COL27A1: variants seen among roughly 807,000 people sequenced by gnomAD.
The protein encoded by COL27A1 is collagen type XXVII alpha 1 chain.
A neutral mutation model predicts 251.3 loss-of-function variants in COL27A1; 106 were observed. The ratio of observed to expected loss-of-function variants is 0.42; its 90% CI spans 0.36 to 0.50. The LOEUF (loss-of-function observed/expected upper bound fraction) is 0.50, where lower values mean the gene tolerates loss of function less well. Ranked by LOEUF, COL27A1 falls within the 20% of genes least tolerant of loss-of-function variation. The pLI, the probability that COL27A1 is intolerant of heterozygous loss-of-function variation, is 0.00. For missense variants in COL27A1, 2,325 were observed against 2,522.8 expected (o/e 0.92, Z 1.68); for synonymous variants, 1,000 against 986.3 (o/e 1.01, Z -0.26).
chr9:114,227,853 G>A (rs1413073498), intron 14 of COL27A1, among the ~76,000 whole-genome samples: 5 of 152,178 alleles, frequency 3.3e-5, no homozygotes, highest in Admixed American at 1.3e-4. Context: ...AGCTGGCCTC[G>A]AGGGCGTCTG....
chr9:114,280,730 C>T (rs1362750388), intron 37 of COL27A1, among the ~76,000 whole-genome samples: 2 of 152,292 alleles, frequency 1.3e-5, no homozygotes, highest in Middle Eastern at 3.4e-3. Flanking sequence ...AGGTCCTTCC[C>T]GGGCCACTGT....
At chr9:114,184,492 G>A (rs972726035) in intron 5 of COL27A1, among the ~76,000 whole-genome samples, 1 of 152,240 alleles carries the variant, frequency 6.6e-6, no homozygotes, top group African/African-American at 2.4e-5. Flanking sequence ...AGCCCCTCTA[G>A]ATCTGTGACT....
intron 14 of COL27A1, among the ~76,000 whole-genome samples, chr9:114,229,533 C>A (rs994139735): frequency 6.6e-6 from 1 of 152,152 alleles, no homozygotes; most frequent in African/African-American, 2.4e-5. Flanking sequence ...TTTGTTCCTC[C>A]AATGCTTCAG....
Position 114,292,103 on chromosome 9 carries a change from G to A in COL27A1, c.4477G>A (p.Gly1493Ser). The change falls in exon 49 of 61, where the codon GGT becomes AGT. Residue 1493 changes from glycine to serine, a missense_variant and splice_region_variant. Around this residue, in one of 4 missense-constraint regions of COL27A1, gnomAD observed 153 missense variants for 140.7 expected, o/e 1.09. Transcript: ENST00000356083. Reference sequence around the variant, plus strand: ...GTAATTTTTTGTGTGTTTCTTTAAGGGTGAGAGTGGGTTACCCGGACAGCT... The same window carrying A: ...GTAATTTTTTGTGTGTTTCTTTAAGAGTGAGAGTGGGTTACCCGGACAGCT... Reference protein sequence around the residue: ...PGAQGPPGFKGESGLPGQLGP... With the variant: ...PGAQGPPGFKSESGLPGQLGP... 1.3e-6 allele frequency: 2 copies of A among 1,555,210 alleles called. No individual in the cohort carries two copies. The highest frequency in any genetic ancestry group is 1.7e-6 in the Non-Finnish European group (2 of 1,149,034).
Position 114,310,529 on chromosome 9 carries a change from A to C in COL27A1, c.5437-20A>C, listed in dbSNP as rs755527134. On this transcript the variant is annotated intron_variant, in intron 60 of 60. Transcript: ENST00000356083. The stretch of plus-strand genomic sequence containing the variant: ...AGAATCACGATGGATGTACGTGTGC[A>C]CTTTTCCTTCTGCCTTCAGGTCCAA... 79 of 1,613,982 alleles carry C rather than the reference A, an allele frequency of 4.9e-5. No individual in the cohort carries two copies. The highest frequency in any genetic ancestry group is 6.4e-5 in the Non-Finnish European group (76 of 1,179,956).
At chr9:114,202,830 C>T (rs763437059) in intron 7 of COL27A1, among the ~76,000 whole-genome samples, 24 of 152,144 alleles carry the variant, frequency 1.6e-4, no homozygotes, top group Non-Finnish European at 2.6e-4. Context: ...TGATCCCACC[C>T]TCTCTTCACC....
At position 114,288,894 on chromosome 9, in the gene COL27A1, T is replaced by C. The variant is rs772487349; in HGVS notation, c.4099-20T>C. 1 of 1,613,630 alleles carries C rather than the reference T, an allele frequency of 6.2e-7. No individual in the cohort carries two copies. The stretch of plus-strand genomic sequence containing the variant: ...CTCTGCAGGATGGGCCCCCCTCACC[T>C]GTCTCTCTTTGGCTTCCAGGGACAG... On this transcript the variant is annotated intron_variant, in intron 43 of 60. Transcript: ENST00000356083.
intron 28 of COL27A1, among the ~76,000 whole-genome samples, chr9:114,260,100 G>A (rs778151746): frequency 2.0e-5 from 3 of 152,144 alleles, no homozygotes; most frequent in Non-Finnish European, 2.9e-5. Context: ...TTCCTGGAGG[G>A]TGAGCTGCAT....
chr9:114,257,778 G>A (rs1834030075), intron 27 of COL27A1, among the ~76,000 whole-genome samples: 1 of 152,130 alleles, frequency 6.6e-6, no homozygotes, highest in Admixed American at 6.5e-5. Flanking sequence ...TTTTCCCTGG[G>A]AGAAAATATT....
intron 3 of COL27A1, among the ~76,000 whole-genome samples, chr9:114,172,275 C>T (rs939908330): frequency 6.6e-6 from 1 of 152,136 alleles, no homozygotes. Flanking sequence ...CCCTTGACCC[C>T]CATATATATC....
intron 24 of COL27A1, among the ~76,000 whole-genome samples, chr9:114,250,338 C>G (rs1355213835): frequency 1.3e-5 from 2 of 152,254 alleles, no homozygotes; most frequent in Non-Finnish European, 2.9e-5. Context: ...TGGCAGCCTC[C>G]CAGCCTGCTT....
chr9:114,300,562 G>A, intron 50 of COL27A1, 63 bp from the exon 51 acceptor site: 1 of 1,347,596 alleles, frequency 7.4e-7, no homozygotes, highest in South Asian at 1.4e-5. Flanking sequence ...GGGTGAGGGA[G>A]CTGTGGGGGC....
chr9:114,209,499 C>T (rs747812999), intron 10 of COL27A1, 176 bp from the exon 11 acceptor site: 6 of 780,700 alleles, frequency 7.7e-6, no homozygotes, highest in African/African-American at 1.7e-5. Flanking sequence ...AGTCCATGGG[C>T]ATATACACTT....
At position 114,169,162 on chromosome 9, in the gene COL27A1, C is replaced by T. The variant is rs2135085864; in HGVS notation, c.1607C>T (p.Pro536Leu). 1 of 1,614,100 alleles carries T rather than the reference C, an allele frequency of 6.2e-7. No homozygotes were observed. Among genetic ancestry groups the T allele is most frequent in the Non-Finnish European group, 8.5e-7 (1 of 1,180,012 alleles). ...PGSAPTGSKK[P>L]IGSEASKKAG... The stretch of plus-strand genomic sequence containing the variant: ...TCAGCTCCCACTGGAAGCAAGAAGC[C>T]CATTGGATCGGAAGCCTCAAAGAAA... The change falls in exon 3 of 61, where the codon CCC (proline) becomes CTC (leucine). Residue 536 changes from proline to leucine, a missense_variant. Pro to Leu is a moderately conservative substitution (Grantham distance 98, BLOSUM62 -3). Around this residue, in one of 4 missense-constraint regions of COL27A1, gnomAD observed 1,183 missense variants for 1,144.1 expected, o/e 1.03. Transcript: ENST00000356083.
chr9:114,289,740 G>A (rs1201031169), intron 45 of COL27A1, among the ~76,000 whole-genome samples: 4 of 151,680 alleles, frequency 2.6e-5, no homozygotes, highest in South Asian at 2.1e-4. Flanking sequence ...TCCCTCCCCC[G>A]GGTGCGCCCC....
intron 19 of COL27A1, among the ~76,000 whole-genome samples, chr9:114,239,970 A>G (rs907175669): frequency 6.6e-6 from 1 of 152,158 alleles, no homozygotes; most frequent in African/African-American, 2.4e-5. Context: ...GTGACCTTCC[A>G]TGTTACAACC....
chr9:114,238,610 C>T (rs1832555964), intron 19 of COL27A1, among the ~76,000 whole-genome samples: 1 of 152,238 alleles, frequency 6.6e-6, no homozygotes, highest in Non-Finnish European at 1.5e-5. Flanking sequence ...GCTACAAGTT[C>T]TGACTTTCCA....
intron 24 of COL27A1, among the ~76,000 whole-genome samples, chr9:114,249,966 C>T (rs925584257): frequency 6.6e-6 from 1 of 152,164 alleles, no homozygotes; most frequent in African/African-American, 2.4e-5. Context: ...CCTCGCTGCG[C>T]GTGTGCGTGT....
intron 28 of COL27A1, among the ~76,000 whole-genome samples, chr9:114,262,177 T>C (rs907065555): frequency 2.6e-5 from 4 of 152,150 alleles, no homozygotes; most frequent in African/African-American, 9.6e-5. Flanking sequence ...CCCCACCCCA[T>C]GTGGCTCCAG....
Sources: gnomAD v4.1 joint callset for allele counts (sites outside exome capture counted in the v4.1 genomes callset) on GRCh38, gnomAD v4.1.1 for gene constraint, gnomAD v4.1.1 regional missense constraint, MANE v1.5 for transcripts, NCBI Gene and HGNC (gene_info 2026-07-23, HGNC 2026-07-21) for gene names.